ZNF804A: variants seen among roughly 807,000 people sequenced by gnomAD.
ZNF804A encodes zinc finger protein 804A.
A neutral mutation model predicts 16.5 loss-of-function variants in ZNF804A; 2 were observed. That is an observed-to-expected ratio of 0.12 (90% confidence interval 0.05 to 0.38). The LOEUF (loss-of-function observed/expected upper bound fraction) is 0.38, where lower values mean the gene tolerates loss of function less well. ZNF804A is among the 10% of genes least tolerant of loss of function. ZNF804A has a pLI of 0.99. For synonymous variants in ZNF804A, 534 were observed against 489.6 expected (o/e 1.09, Z -1.20); for missense variants, 1,473 against 1,390.7 (o/e 1.06, Z -0.94).
chr2:184,659,983 TACC>T (rs1692143390), intron 1 of ZNF804A, among the ~76,000 whole-genome samples: 2 of 152,168 alleles, frequency 1.3e-5, no homozygotes, highest in African/African-American at 4.8e-5. Flanking sequence ...TGGTTTTGTG[TACC>T]CGTAGTTCCA....
chr2:184,645,946 TG>T (rs1408272318), intron 1 of ZNF804A, among the ~76,000 whole-genome samples: 6 of 152,166 alleles, frequency 3.9e-5, no homozygotes, highest in African/African-American at 1.4e-4. Flanking sequence ...ACTGGGCTTT[TG>T]GGCAAGTCAG....
intron 1 of ZNF804A, among the ~76,000 whole-genome samples, chr2:184,781,704 AG>A (rs1364655495): frequency 1.3e-5 from 2 of 151,820 alleles, no homozygotes; most frequent in African/African-American, 4.8e-5. Flanking sequence ...AATTATAAAA[AG>A]GGTTTTAGCT....
chr2:184,925,533 A>G (rs1430472709), intron 2 of ZNF804A, among the ~76,000 whole-genome samples: 1 of 151,770 alleles, frequency 6.6e-6, no homozygotes, highest in Non-Finnish European at 1.5e-5. Flanking sequence ...TAGTCCATGT[A>G]TGCTTAATGT....
intron 1 of ZNF804A, among the ~76,000 whole-genome samples, chr2:184,825,034 G>A (rs1695137932): frequency 6.6e-6 from 1 of 152,166 alleles, no homozygotes; most frequent in Non-Finnish European, 1.5e-5. Context: ...TTTATGATGA[G>A]CATATGAAAT....
At chr2:184,933,858 A>G in intron 3 of ZNF804A, 125 bp downstream of exon 3, 2 of 946,118 alleles carry the variant, frequency 2.1e-6, no homozygotes, top group Non-Finnish European at 3.0e-6. Flanking sequence ...ACATGTTTTC[A>G]TGGCCTTCTG....
At chr2:184,769,851 A>T (rs1648593573) in intron 1 of ZNF804A, among the ~76,000 whole-genome samples, 1 of 152,132 alleles carries the variant, frequency 6.6e-6, no homozygotes, top group Non-Finnish European at 1.5e-5. Flanking sequence ...TTGCCAAGTA[A>T]GATATCATTA....
chr2:184,787,907 T>C (rs1184172988), intron 1 of ZNF804A, among the ~76,000 whole-genome samples: 2 of 152,006 alleles, frequency 1.3e-5, no homozygotes, highest in Non-Finnish European at 2.9e-5. Context: ...TGTCATAAAT[T>C]ATTTGCCTAG....
At chr2:184,781,113 A>G (rs10497657) in intron 1 of ZNF804A, among the ~76,000 whole-genome samples, 7,629 of 151,824 alleles carry the variant, frequency 0.05, 252 homozygotes, top group Middle Eastern at 0.079. Flanking sequence ...TGATATTTAA[A>G]TCTTGCCAAT....
At chr2:184,678,086 T>G (rs1020717935) in intron 1 of ZNF804A, among the ~76,000 whole-genome samples, 2 of 152,114 alleles carry the variant, frequency 1.3e-5, no homozygotes, top group Non-Finnish European at 1.5e-5. Context: ...AGTGAATTAA[T>G]TTAACCACAG....
chr2:184,812,505 C>T (rs1694917520), intron 1 of ZNF804A, among the ~76,000 whole-genome samples: 2 of 151,964 alleles, frequency 1.3e-5, no homozygotes, highest in African/African-American at 2.4e-5. Context: ...TCAGATTTGA[C>T]CTTGGAAGAT....
chr2:184,903,158 T>A (rs1685213981), intron 2 of ZNF804A, among the ~76,000 whole-genome samples: 2 of 152,166 alleles, frequency 1.3e-5, no homozygotes, highest in Admixed American at 6.6e-5. Flanking sequence ...TCTATTTTTC[T>A]TATTCTCCAC....
intron 1 of ZNF804A, among the ~76,000 whole-genome samples, chr2:184,821,594 AG>A (rs375847657): frequency 2.2e-4 from 33 of 152,324 alleles, no homozygotes; most frequent in African/African-American, 7.0e-4. Flanking sequence ...GTTTCTGCAC[AG>A]CAAAGGAAAC....
intron 1 of ZNF804A, among the ~76,000 whole-genome samples, chr2:184,767,250 T>A (rs1436962564): frequency 1.3e-5 from 2 of 152,152 alleles, no homozygotes; most frequent in Admixed American, 1.3e-4. Context: ...ATGCACACAA[T>A]GGAATATTAC....
intron 1 of ZNF804A, among the ~76,000 whole-genome samples, chr2:184,599,497 A>G (rs1265510508): frequency 6.6e-6 from 1 of 152,178 alleles, no homozygotes; most frequent in Non-Finnish European, 1.5e-5. Flanking sequence ...ACAAGGAGGA[A>G]GTGGCGGGAT....
At chr2:184,870,282 T>A (rs1436990440) in intron 2 of ZNF804A, among the ~76,000 whole-genome samples, 1 of 151,964 alleles carries the variant, frequency 6.6e-6, no homozygotes, top group Non-Finnish European at 1.5e-5. Context: ...AAATGGAAAA[T>A]GATGAATATG....
At chr2:184,894,226 C>T (rs943906007) in intron 2 of ZNF804A, among the ~76,000 whole-genome samples, 1 of 152,024 alleles carries the variant, frequency 6.6e-6, no homozygotes, top group African/African-American at 2.4e-5. Context: ...CTGCATTAAG[C>T]TTTACTCGGT....
chr2:184,820,405 A>G (rs1695056127), intron 1 of ZNF804A, among the ~76,000 whole-genome samples: 1 of 152,038 alleles, frequency 6.6e-6, no homozygotes, highest in Admixed American at 6.6e-5. Flanking sequence ...TAGGTATTGA[A>G]GGAATATACC....
At chr2:184,829,529 A>G (rs1219156351) in intron 1 of ZNF804A, among the ~76,000 whole-genome samples, 2 of 152,040 alleles carry the variant, frequency 1.3e-5, no homozygotes, top group African/African-American at 2.4e-5. Flanking sequence ...TAAAGATGAT[A>G]CTTATTTCTG....
At chr2:184,670,414 G>A (rs754181938) in intron 1 of ZNF804A, among the ~76,000 whole-genome samples, 12 of 151,838 alleles carry the variant, frequency 7.9e-5, no homozygotes, top group Non-Finnish European at 1.3e-4. Flanking sequence ...TAAGACACAT[G>A]TTAGAGCCTG....
Sources: allele counts gnomAD v4.1 joint callset (sites outside exome capture counted in the v4.1 genomes callset), GRCh38; gene constraint gnomAD v4.1.1; transcripts MANE v1.5; gene names NCBI Gene and HGNC (gene_info 2026-07-23, HGNC 2026-07-21).